STAB2: variants seen among roughly 807,000 people sequenced by gnomAD.
STAB2 encodes the protein stabilin-2.
STAB2 carries 288 observed loss-of-function variants against 338.1 expected under a neutral mutation model. That is an observed-to-expected ratio of 0.85 (90% confidence interval 0.77 to 0.94). The LOEUF is 0.94. Ranked by LOEUF, STAB2 falls within the 40% of genes least tolerant of loss-of-function variation. The probability of loss-of-function intolerance (pLI) is 0.00; values close to 1 mark genes in which losing one functional copy is unlikely to be tolerated. For synonymous variants in STAB2, 1,202 were observed against 1,193.3 expected, an observed-to-expected ratio of 1.01 and a Z score of -0.15; for missense variants, 3,141 against 3,210.1, an observed-to-expected ratio of 0.98 and a Z score of 0.52.
chr12:103,648,189 C>T (rs573027364), intron 9 of STAB2, among the ~76,000 whole-genome samples: 1 of 152,188 alleles, frequency 6.6e-6, no homozygotes, highest in Admixed American at 6.5e-5. Context: ...GAGAAAGAGA[C>T]AGGCAATCAA....
At chr12:103,675,707 G>C (rs1166073821) in intron 23 of STAB2, among the ~76,000 whole-genome samples, 1 of 152,240 alleles carries the variant, frequency 6.6e-6, no homozygotes, top group Non-Finnish European at 1.5e-5. Context: ...GACTCGTGCA[G>C]TGTCACACAA....
chr12:103,680,197 A>G (rs1876772426), intron 25 of STAB2, among the ~76,000 whole-genome samples: 2 of 152,204 alleles, frequency 1.3e-5, no homozygotes, highest in Non-Finnish European at 2.9e-5. Context: ...ACAAGTTTGG[A>G]GAAGGATGGT....
chr12:103,633,550 C>T (rs888279335), intron 6 of STAB2, among the ~76,000 whole-genome samples: 1 of 152,100 alleles, frequency 6.6e-6, no homozygotes, highest in African/African-American at 2.4e-5. Context: ...GGCATGATGG[C>T]GGGCGCCTGT....
chr12:103,743,817 C>G (rs983595683), intron 56 of STAB2, among the ~76,000 whole-genome samples: 1 of 152,128 alleles, frequency 6.6e-6, no homozygotes, highest in Non-Finnish European at 1.5e-5. Context: ...AGCAAGAAGA[C>G]CAGGGTGGCT....
intron 36 of STAB2, 42 bp downstream of exon 36, chr12:103,704,656 G>A (rs377050329): frequency 2.7e-5 from 43 of 1,569,206 alleles, no homozygotes; most frequent in Non-Finnish European, 3.2e-5. Flanking sequence ...TTCCAGATCC[G>A]AGGAGTCCCA....
In STAB2 at chr12:103,659,121, A is replaced by G. The variant is rs151132638; in HGVS notation, c.1735-1210A>G. Among the ~76,000 whole-genome samples the G allele has an allele frequency of 1.6e-3, 237 of 152,350 alleles. 2 individuals carry two copies. Among genetic ancestry groups the G allele is most frequent in the African/African-American group, 5.1e-3 (213 of 41,578 alleles). On this transcript the variant is annotated intron_variant, in intron 15 of 68. Transcript: ENST00000388887. ...TTCCAGGGCTGGCTAACTGGTGGTC[A>G]ATTTCAACATTTTTATTGACAACCC...
chr12:103,742,233 A>G (rs986014386), intron 55 of STAB2, among the ~76,000 whole-genome samples, 172 bp from the exon 56 acceptor site: 1 of 152,196 alleles, frequency 6.6e-6, no homozygotes, highest in East Asian at 1.9e-4. Context: ...CATATCAGAT[A>G]CCATAAAGTT....
Position 103,654,609 on chromosome 12 carries a change from C to T in STAB2, c.1462C>T (p.Gln488Ter). The T allele has an allele frequency of 6.2e-7, 1 of 1,614,042 alleles. No individual in the cohort carries two copies. The highest frequency in any genetic ancestry group is 8.5e-7 in the Non-Finnish European group (1 of 1,179,962). ...HGGKKKVKII[Q>*]GDIIASNGLL... ...AGGCAAAAAGAAGGTAAAAATTATA[C>T]AAGGGGACATCATTGCTTCCAATGG... Residue 488 changes from glutamine (Q) to a stop codon, truncating the protein, a stop_gained, in exon 13 of 69, where the codon CAA becomes TAA. Transcript: ENST00000388887. LOFTEE classifies it high-confidence loss of function.
chr12:103,597,297 G>C (rs1343711900), intron 3 of STAB2, among the ~76,000 whole-genome samples: 1 of 152,146 alleles, frequency 6.6e-6, no homozygotes, highest in Non-Finnish European at 1.5e-5. Flanking sequence ...TGCTGACGTG[G>C]GTCTATCCTT....
chr12:103,632,128 G>T (rs1049730162), intron 6 of STAB2, among the ~76,000 whole-genome samples: 2 of 152,208 alleles, frequency 1.3e-5, no homozygotes, highest in African/African-American at 4.8e-5. Flanking sequence ...AACGCTGAGT[G>T]ATTCACCAAA....
Position 103,597,734 on chromosome 12 carries a change from G to A in STAB2, c.331+3224G>A, listed in dbSNP as rs703601. ...GAAACTTAATCATGTCTGAACAGCC[G>A]ATATTCTATTTGGGATGAAATCGAT... On this transcript the variant is annotated intron_variant, in intron 3 of 68. Coordinates refer to ENST00000388887, the MANE Select transcript of STAB2 (RefSeq NM_017564.10). Among the ~76,000 whole-genome samples, 4 of 151,716 alleles carry A rather than the reference G, an allele frequency of 2.6e-5. No homozygotes were observed. The East Asian group carries it at 5.8e-4, about 22-fold the overall frequency.
intron 5 of STAB2, among the ~76,000 whole-genome samples, chr12:103,622,883 G>A (rs997250054): frequency 6.6e-6 from 1 of 152,162 alleles, no homozygotes; most frequent in Admixed American, 6.5e-5. Flanking sequence ...TAGATCCATA[G>A]GCTTCCAATT....
Position 103,712,431 on chromosome 12 carries a change from A to G in STAB2, c.4399A>G (p.Thr1467Ala), listed in dbSNP as rs775786069. The change falls in exon 41 of 69, where the codon ACC (threonine) becomes GCC (alanine). Residue 1467 changes from threonine (T) to alanine (A), a missense_variant. Transcript: ENST00000388887. ...KCAAGFQGNG[T>A]ICTAINACEI... The stretch of plus-strand genomic sequence containing the variant: ...TGCAGCAGGATTCCAAGGAAACGGG[A>G]CCATCTGCACAGGCAAGCGAAGGAA... The G allele has an allele frequency of 9.3e-6, 15 of 1,613,752 alleles. No individual in the cohort carries two copies. The highest frequency in any genetic ancestry group is 1.3e-5 in the African/African-American group (1 of 75,024).
chr12:103,724,903 T>A (rs1380966986), intron 44 of STAB2, 72 bp from the exon 45 acceptor site: 13 of 1,579,166 alleles, frequency 8.2e-6, no homozygotes, highest in Admixed American at 1.7e-5. Context: ...CAGAATTGCT[T>A]TGTAAATATC....
chr12:103,710,334 C>T (rs934596226), intron 39 of STAB2, among the ~76,000 whole-genome samples: 2 of 151,778 alleles, frequency 1.3e-5, no homozygotes, highest in Non-Finnish European at 2.9e-5. Context: ...AGTTTCCAGT[C>T]TAGAAAAGGA....
At position 103,706,970 on chromosome 12, in the gene STAB2, G is replaced by A; in HGVS notation, c.4175G>A (p.Gly1392Asp). The A allele has an allele frequency of 6.2e-7, 1 of 1,614,032 alleles. No homozygotes were observed. Among genetic ancestry groups the A allele is most frequent in the Non-Finnish European group, 8.5e-7 (1 of 1,180,018 alleles). The part of the protein sequence containing the change: ...ACETCTEGKY[G>D]IHCDQACSCV... ...GAGACCTGCACCGAGGGCAAGTACG[G>A]CATCCACTGTGACCAAGGTGAGCAC... Residue 1392 changes from glycine (G) to aspartate (D), a missense_variant, in exon 38 of 69, where the codon GGC becomes GAC. Transcript: ENST00000388887.
At chr12:103,607,688 C>G (rs1337725959) in intron 3 of STAB2, among the ~76,000 whole-genome samples, 2 of 152,170 alleles carry the variant, frequency 1.3e-5, no homozygotes, top group African/African-American at 2.4e-5. Flanking sequence ...TTTCCAGCTT[C>G]ATCCATGTCC....
intron 68 of STAB2, among the ~76,000 whole-genome samples, chr12:103,764,784 G>A (rs918651477): frequency 9.2e-5 from 14 of 151,980 alleles, no homozygotes; most frequent in African/African-American, 2.9e-4. Flanking sequence ...CCCATGTAAA[G>A]GCTTCTGGTT....
At chr12:103,748,208 G>A (rs2139159823) in intron 58 of STAB2, among the ~76,000 whole-genome samples, 1 of 152,160 alleles carries the variant, frequency 6.6e-6, no homozygotes, top group Non-Finnish European at 1.5e-5. Flanking sequence ...TTCAACAATG[G>A]CAACAAAGAC....
Sources: allele counts gnomAD v4.1 joint callset (sites outside exome capture counted in the v4.1 genomes callset), GRCh38; gene constraint gnomAD v4.1.1; transcripts MANE v1.5; gene names NCBI Gene and HGNC (gene_info 2026-07-23, HGNC 2026-07-21).